The following KANSL1 variants were observed in gnomAD, a reference collection of about 807,000 sequenced individuals.
The protein encoded by KANSL1 is MLL1/MLL complex subunit KANSL1.
KANSL1 carries 22 observed loss-of-function variants against 103.6 expected under a neutral mutation model. That is an observed-to-expected ratio of 0.21 (90% CI 0.15 to 0.30). The LOEUF (loss-of-function observed/expected upper bound fraction) is 0.30, where lower values mean the gene tolerates loss of function less well. Ranked by LOEUF, KANSL1 falls within the 10% of genes least tolerant of loss-of-function variation. KANSL1 has a pLI of 1.00. For missense variants in KANSL1, 1,337 were observed against 1,399.8 expected, an observed-to-expected ratio of 0.96 and a Z score of 0.72; for synonymous variants, 600 against 527.6, an observed-to-expected ratio of 1.14 and a Z score of -1.88.
chr17:46,067,773 C>G, intron 4 of KANSL1, 106 bp from the exon 5 acceptor site: 1 of 648,424 alleles, frequency 1.5e-6, no homozygotes, highest in Non-Finnish European at 2.7e-6. Flanking sequence ...TTCTGATGAT[C>G]AATTTGAAAA....
chr17:46,066,222 G>A (rs1287134411), intron 6 of KANSL1, among the ~76,000 whole-genome samples: 3 of 152,120 alleles, frequency 2.0e-5, no homozygotes, highest in Non-Finnish European at 4.4e-5. Flanking sequence ...GAAGGTGAGA[G>A]GGCACACTAT....
intron 1 of KANSL1, among the ~76,000 whole-genome samples, chr17:46,185,070 G>A (rs1411494803): frequency 1.1e-4 from 16 of 152,032 alleles, no homozygotes; most frequent in Admixed American, 6.6e-5. Flanking sequence ...CTCGTGATTC[G>A]CCAGCCTCGG....
chr17:46,211,227 C>CAAAAAAAAAAAAAAAAAAAAAAAAAAAAA, intron 1 of KANSL1, among the ~76,000 whole-genome samples: 1 of 102,520 alleles, frequency 9.8e-6, no homozygotes, highest in Non-Finnish European at 1.9e-5. Flanking sequence ...ATGTTCTATG[C>CAAAAAAAAAAAAAAAAAAAAAAAAAAAAA]AAAAAAAAAA....
At position 46,135,082 on chromosome 17, in the gene KANSL1, T is replaced by C. The variant is rs944960640; in HGVS notation, c.1289+35773A>G. 1.1e-4 allele frequency among the ~76,000 whole-genome samples: 16 copies of C among 152,306 alleles called. No individual in the cohort carries two copies. The East Asian group carries it at 3.1e-3, about 29-fold the overall frequency. ...GGAAGTCGGTATCACTTGTGCTTAA[T>C]TTCTACTCTTTTGTGCCCTCTATAC... On this transcript the variant is annotated intron_variant, in intron 2 of 14. Coordinates refer to ENST00000432791, the MANE Select transcript of KANSL1 (RefSeq NM_015443.4).
chr17:46,032,109 G>T lies in KANSL1; in HGVS notation c.3028C>A (p.Pro1010Thr). The change falls in exon 14 of 15, where the codon CCG becomes ACG. Residue 1010 changes from proline to threonine, a missense_variant. Physicochemically the swap from Pro to Thr is conservative, Grantham distance 38. Transcript: ENST00000432791. The stretch of plus-strand genomic sequence containing the variant: ...GTATCCTCACTGGCTAAGTGTCGCG[G>T]AGTGTCCCGAGCCACAGGGGTGAGG... Reference protein sequence around the residue: ...APLTPVARDTPRHLASEDTRC... With the variant: ...APLTPVARDTTRHLASEDTRC... 2.5e-6 allele frequency: 4 copies of T among 1,614,110 alleles called. No homozygotes were observed. Among genetic ancestry groups the T allele is most frequent in the Non-Finnish European group, 3.4e-6 (4 of 1,180,008 alleles).
intron 6 of KANSL1, among the ~76,000 whole-genome samples, chr17:46,059,164 G>A (rs2078056092): frequency 6.6e-6 from 1 of 152,070 alleles, no homozygotes; most frequent in Non-Finnish European, 1.5e-5. Flanking sequence ...AAAGAGGACA[G>A]GGAACTAAGC....
At chr17:46,158,993 A>T (rs1314849607) in intron 2 of KANSL1, among the ~76,000 whole-genome samples, 1 of 151,904 alleles carries the variant, frequency 6.6e-6, no homozygotes, top group Non-Finnish European at 1.5e-5. Flanking sequence ...TTTTTTTTTC[A>T]CTGCAATAAG....
chr17:46,080,654 G>A (rs1372281117), intron 4 of KANSL1, among the ~76,000 whole-genome samples: 3 of 152,030 alleles, frequency 2.0e-5, no homozygotes, highest in Non-Finnish European at 4.4e-5. Context: ...CATATGCTCT[G>A]CGCCCATTCT....
chr17:46,146,394 A>G (rs1480013010), intron 2 of KANSL1, among the ~76,000 whole-genome samples: 2 of 152,210 alleles, frequency 1.3e-5, no homozygotes, highest in African/African-American at 2.4e-5. Context: ...TGACTGGCCA[A>G]GCTGGTACTC....
intron 3 of KANSL1, among the ~76,000 whole-genome samples, chr17:46,090,484 G>GAACTCTGAGAAGTAA (rs1453861309): frequency 6.6e-6 from 1 of 152,150 alleles, no homozygotes; most frequent in African/African-American, 2.4e-5. Flanking sequence ...CTTCCTATCG[G>GAACTCTGAGAAGTAA]AACTCTGAGA....
At chr17:46,080,312 TAAAAAAAAAA>T (rs35520207) in intron 4 of KANSL1, among the ~76,000 whole-genome samples, 5 of 77,776 alleles carry the variant, frequency 6.4e-5, no homozygotes, top group Non-Finnish European at 1.3e-4. Context: ...GAGCCTGTCT[TAAAAAAAAAA>T]AAAAAAAAAA....
intron 4 of KANSL1, among the ~76,000 whole-genome samples, chr17:46,071,986 C>CCCCCCCCCCCCCCCCCG (rs754370743): frequency 1.4e-5 from 2 of 142,658 alleles, no homozygotes; most frequent in African/African-American, 2.9e-5. Flanking sequence ...CCCCCCACCC[C>CCCCCCCCCCCCCCCCCG]TCCCCCCGCC....
intron 4 of KANSL1, among the ~76,000 whole-genome samples, 179 bp from the exon 5 acceptor site, chr17:46,067,846 G>A (rs1346971371): frequency 6.6e-6 from 1 of 152,054 alleles, no homozygotes; most frequent in African/African-American, 2.4e-5. Context: ...ATGATGGCTC[G>A]CAACTATAAT....
chr17:46,100,808 T>G (rs1259120350), intron 2 of KANSL1, among the ~76,000 whole-genome samples: 2 of 152,222 alleles, frequency 1.3e-5, no homozygotes, highest in African/African-American at 4.8e-5. Context: ...CCCTGATGTA[T>G]TAACATAAAT....
chr17:46,063,022 C>T (rs2078238425), intron 6 of KANSL1, among the ~76,000 whole-genome samples: 1 of 152,122 alleles, frequency 6.6e-6, no homozygotes, highest in Non-Finnish European at 1.5e-5. Flanking sequence ...TGCACTCCAG[C>T]CTGAGCAACA....
At chr17:46,099,320 T>C (rs1268272476) in intron 2 of KANSL1, among the ~76,000 whole-genome samples, 1 of 95,442 alleles carries the variant, frequency 1.0e-5, no homozygotes, top group Non-Finnish European at 2.5e-5. Context: ...CGAGACTCCG[T>C]CTCAAAAAAA....
intron 6 of KANSL1, among the ~76,000 whole-genome samples, chr17:46,065,136 C>CTTTT (rs369694354): frequency 6.3e-5 from 9 of 143,028 alleles, no homozygotes; most frequent in Non-Finnish European, 6.1e-5. Context: ...CCACAGCAGG[C>CTTTT]TTTTTTTTTT....
intron 1 of KANSL1, among the ~76,000 whole-genome samples, chr17:46,205,731 A>G (rs1257174469): frequency 6.6e-6 from 1 of 151,858 alleles, no homozygotes; most frequent in Non-Finnish European, 1.5e-5. Flanking sequence ...AAGCAGTGAC[A>G]ATCTTATACT....
intron 4 of KANSL1, among the ~76,000 whole-genome samples, 160 bp from the exon 5 acceptor site, chr17:46,067,827 T>C (rs186322650): frequency 2.6e-5 from 4 of 152,124 alleles, no homozygotes; most frequent in Admixed American, 2.0e-4. Context: ...AGAGAATCAG[T>C]GGTCAGGTAT....
Sources: allele counts gnomAD v4.1 joint callset (sites outside exome capture counted in the v4.1 genomes callset), GRCh38; gene constraint gnomAD v4.1.1; transcripts MANE v1.5; gene names NCBI Gene and HGNC (gene_info 2026-07-23, HGNC 2026-07-21).